The following ADAM28 variants were observed in gnomAD, a reference collection of about 807,000 sequenced individuals.
ADAM28 encodes the protein disintegrin and metalloproteinase domain-containing protein 28.
Under a neutral mutation model 101.2 loss-of-function variants are expected in ADAM28, and 105 were observed. That is an observed-to-expected ratio of 1.04 (90% confidence interval 0.89 to 1.22). The LOEUF (loss-of-function observed/expected upper bound fraction) is 1.22. Among genes scored for constraint, ADAM28 ranks in the 50% most tolerant of loss-of-function variants. The probability of loss-of-function intolerance (pLI) is 0.00; values close to 1 mark genes in which losing one functional copy is unlikely to be tolerated. For synonymous variants in ADAM28, 322 were observed against 310.6 expected (o/e 1.04, Z -0.39); for missense variants, 1,028 against 945.4 (o/e 1.09, Z -1.15).
intron 21 of ADAM28, among the ~76,000 whole-genome samples, chr8:24,353,202 A>AAG (rs138414723): frequency 0.018 from 2,779 of 152,234 alleles, 100 homozygotes; most frequent in African/African-American, 0.064. Flanking sequence ...ATGTTTATTT[A>AAG]AGGAGATAAA....
At chr8:24,317,782 T>C (rs1028226320) in intron 6 of ADAM28, among the ~76,000 whole-genome samples, 2 of 150,826 alleles carry the variant, frequency 1.3e-5, no homozygotes, top group African/African-American at 4.9e-5. Flanking sequence ...TATATAGAGG[T>C]AGAGAATAAA....
intron 2 of ADAM28, among the ~76,000 whole-genome samples, chr8:24,307,122 C>A (rs994787829): frequency 4.6e-5 from 7 of 152,182 alleles, no homozygotes; most frequent in Non-Finnish European, 1.0e-4. Flanking sequence ...GACTATGGGT[C>A]TTCCCTGTGC....
chr8:24,321,418 C>T (rs1811864075), intron 8 of ADAM28, 129 bp downstream of exon 8: 1 of 784,190 alleles, frequency 1.3e-6, no homozygotes, highest in South Asian at 1.4e-5. Context: ...TGACTGGCTC[C>T]CAAAGGATGA....
chr8:24,332,039 T>C (rs1813423556), intron 12 of ADAM28, among the ~76,000 whole-genome samples: 1 of 152,216 alleles, frequency 6.6e-6, no homozygotes, highest in Non-Finnish European at 1.5e-5. Context: ...TTGATGATTA[T>C]ATTTGAACTA....
intron 6 of ADAM28, among the ~76,000 whole-genome samples, chr8:24,315,984 A>G (rs1310618693): frequency 6.6e-6 from 1 of 151,956 alleles, no homozygotes; most frequent in African/African-American, 2.4e-5. Flanking sequence ...TTAGGTAGTT[A>G]AATAATGGTG....
rs925743820 is a variant in ADAM28, at chr8:24,311,227, A to C, written c.307-134A>C. On this transcript the variant is annotated intron_variant, in intron 4 of 22. Transcript: ENST00000265769. ...GAAAGATTTTAATTATTTTTTAAACATCTTAGTTTACTGTTGTACAGCAGA... is the reference window on the plus strand; with the variant it reads ...GAAAGATTTTAATTATTTTTTAAACCTCTTAGTTTACTGTTGTACAGCAGA... 1.5e-5 allele frequency: 9 copies of C among 581,740 alleles called. No individual in the cohort carries two copies. In the African/African-American group the frequency reaches 1.7e-4, roughly 11 times the overall value. 36.0% of individuals were successfully genotyped at this position (581,740 alleles called of 1,614,324 possible). A position where few individuals can be genotyped will look rare whatever the true frequency, so the allele number is the denominator to read the frequency against.
At chr8:24,325,817 T>C (rs1285286823) in intron 9 of ADAM28, among the ~76,000 whole-genome samples, 1 of 123,016 alleles carries the variant, frequency 8.1e-6, no homozygotes. Flanking sequence ...AAAAACTTGA[T>C]GCAATTTGGC....
At chr8:24,333,699 C>T (rs1813661757) in intron 13 of ADAM28, among the ~76,000 whole-genome samples, 1 of 152,108 alleles carries the variant, frequency 6.6e-6, no homozygotes, top group African/African-American at 2.4e-5. Context: ...AGGTTTTATT[C>T]TGAGTAGTGT....
intron 2 of ADAM28, among the ~76,000 whole-genome samples, chr8:24,300,456 G>A (rs1009141763): frequency 1.3e-5 from 2 of 151,458 alleles, no homozygotes; most frequent in Non-Finnish European, 2.9e-5. Context: ...TCGCTCTGTC[G>A]CCCAGGCTGG....
At chr8:24,306,313 C>T (rs1316187911) in intron 2 of ADAM28, among the ~76,000 whole-genome samples, 1 of 146,424 alleles carries the variant, frequency 6.8e-6, no homozygotes, top group African/African-American at 2.6e-5. Flanking sequence ...CACTGCACTC[C>T]AGCCTGGGTG....
chr8:24,318,481 C>A (rs982983452), intron 6 of ADAM28, among the ~76,000 whole-genome samples: 1 of 151,894 alleles, frequency 6.6e-6, no homozygotes, highest in African/African-American at 2.4e-5. Flanking sequence ...GCACTAATGG[C>A]CATCAGACGT....
intron 21 of ADAM28, among the ~76,000 whole-genome samples, chr8:24,352,930 A>G (rs1816344253): frequency 6.6e-6 from 1 of 152,106 alleles, no homozygotes; most frequent in African/African-American, 2.4e-5. Context: ...GCTTGTAAGT[A>G]TCAGATAGTC....
chr8:24,346,570 G>A (rs1815423986), intron 18 of ADAM28, among the ~76,000 whole-genome samples: 1 of 152,080 alleles, frequency 6.6e-6, no homozygotes, highest in Non-Finnish European at 1.5e-5. Flanking sequence ...GCATGACAAA[G>A]TTTAAGAGCA....
chr8:24,306,389 A>AATATATATATATATATATAT (rs1050085696), intron 2 of ADAM28, among the ~76,000 whole-genome samples: 2 of 117,410 alleles, frequency 1.7e-5, no homozygotes, highest in African/African-American at 3.4e-5. Context: ...TATATATTTA[A>AATATATATATATATATATAT]AAATATATAT....
intron 4 of ADAM28, 35 bp from the exon 5 acceptor site, chr8:24,311,326 A>G (rs771904392): frequency 4.5e-6 from 7 of 1,562,732 alleles, no homozygotes; most frequent in African/African-American, 2.7e-5. Context: ...TAAAATTCAC[A>G]TGTACTTCTC....
intron 5 of ADAM28, among the ~76,000 whole-genome samples, chr8:24,312,326 TTAGA>T (rs1355426889): frequency 1.3e-5 from 2 of 152,134 alleles, no homozygotes; most frequent in Admixed American, 6.6e-5. Context: ...AATGGTATAA[TTAGA>T]TAATCACTTG....
intron 1 of ADAM28, among the ~76,000 whole-genome samples, chr8:24,298,367 G>GT (rs1313248441): frequency 1.3e-5 from 2 of 152,062 alleles, no homozygotes; most frequent in African/African-American, 4.8e-5. Flanking sequence ...AAAGTTAAAT[G>GT]TAAGTGACTC....
chr8:24,300,046 A>G lies in ADAM28; in HGVS notation c.119A>G (p.His40Arg). ...TATCCTATAAGACTTCATCCACTGC[A>G]TAAAAGAGAGGCCAAAGAGCCAGAG... is the stretch of plus-strand genomic sequence containing the variant. ...VVYPIRLHPL[H>R]KREAKEPEQQ... The change falls in exon 2 of 23, where the codon CAT (histidine) becomes CGT (arginine). Residue 40 changes from histidine to arginine, a missense_variant. Transcript: ENST00000265769. 1.2e-6 allele frequency: 2 copies of G among 1,613,822 alleles called. No homozygotes were observed. The highest frequency in any genetic ancestry group is 1.7e-6 in the Non-Finnish European group (2 of 1,179,986).
chr8:24,306,371 T>TATATAA (rs1563270609), intron 2 of ADAM28, among the ~76,000 whole-genome samples: 38 of 136,834 alleles, frequency 2.8e-4, no homozygotes, highest in African/African-American at 1.1e-3. Context: ...TAAATATATA[T>TATATAA]ATATATATAT....
Sources: allele counts gnomAD v4.1 joint callset (sites outside exome capture counted in the v4.1 genomes callset), GRCh38; gene constraint gnomAD v4.1.1; transcripts MANE v1.5; gene names NCBI Gene and HGNC (gene_info 2026-07-23, HGNC 2026-07-21).